AMMECR1: variants seen among roughly 807,000 people sequenced by gnomAD.
AMMECR1 encodes nuclear protein AMMECR1.
A neutral mutation model predicts 22.5 loss-of-function variants in AMMECR1; 3 were observed. The ratio of observed to expected loss-of-function variants is 0.13; its 90% CI spans 0.06 to 0.35. The LOEUF (loss-of-function observed/expected upper bound fraction) is 0.35. Ranked by LOEUF, AMMECR1 falls within the 10% of genes least tolerant of loss-of-function variation. The pLI, the probability that AMMECR1 is intolerant of heterozygous loss-of-function variation, is 1.00. For synonymous variants in AMMECR1, 130 were observed against 116.7 expected (o/e 1.11, Z -0.74); for missense variants, 235 against 278.7 (o/e 0.84, Z 1.12).
intron 2 of AMMECR1, among the ~76,000 whole-genome samples, chrX:110,344,390 C>G (rs1359767609): frequency 8.9e-6 from 1 of 111,835 alleles, no homozygotes; most frequent in Non-Finnish European, 1.9e-5. Context: ...CCATAAAAAC[C>G]CTAGAAGAAA....
chrX:110,393,316 CT>C (rs1389687287), intron 2 of AMMECR1, among the ~76,000 whole-genome samples: 17 of 112,090 alleles, frequency 1.5e-4, no homozygotes, highest in African/African-American at 5.5e-4. Context: ...ATCCCAGAGC[CT>C]GGCAGAGAGC....
At chrX:110,359,642 C>T (rs1472502608) in intron 2 of AMMECR1, among the ~76,000 whole-genome samples, 1 of 111,584 alleles carries the variant, frequency 9.0e-6, no homozygotes, top group Non-Finnish European at 1.9e-5. Flanking sequence ...TTAATTTATT[C>T]ATTAATATTG....
chrX:110,206,654 G>T (rs1249834187), intron 3 of AMMECR1, among the ~76,000 whole-genome samples: 3 of 111,876 alleles, frequency 2.7e-5, no homozygotes, highest in African/African-American at 9.8e-5. Flanking sequence ...GTAAACTTCT[G>T]ACAGTTTGGG....
intron 2 of AMMECR1, chrX:110,225,032 G>C (rs777091966): frequency 5.9e-5 from 22 of 371,211 alleles, no homozygotes; most frequent in Admixed American, 1.8e-4. Flanking sequence ...CATGGGGATT[G>C]GCTGACAATG....
chrX:110,423,148 C>T (rs1374420895), intron 2 of AMMECR1, among the ~76,000 whole-genome samples: 2 of 110,755 alleles, frequency 1.8e-5, no homozygotes, highest in Non-Finnish European at 3.8e-5. Flanking sequence ...GCCAACATGG[C>T]GAAACCCTGT....
intron 2 of AMMECR1, among the ~76,000 whole-genome samples, chrX:110,230,679 C>G (rs1398583275): frequency 2.7e-5 from 3 of 112,203 alleles, no homozygotes; most frequent in Middle Eastern, 4.6e-3. Context: ...CGGAGAATGA[C>G]TTTGACGAGT....
At chrX:110,292,520 T>C (rs2067914145) in intron 1 of AMMECR1, among the ~76,000 whole-genome samples, 1 of 112,119 alleles carries the variant, frequency 8.9e-6, no homozygotes, top group Non-Finnish European at 1.9e-5. Flanking sequence ...CAATGGAATA[T>C]TACTCAGCAC....
chrX:110,370,663 G>A (rs2068332098), intron 2 of AMMECR1, among the ~76,000 whole-genome samples: 2 of 112,273 alleles, frequency 1.8e-5, no homozygotes, highest in South Asian at 7.4e-4. Context: ...GCTGTAATGT[G>A]GGTTTCTTCC....
upstream of AMMECR1, among the ~76,000 whole-genome samples, chrX:110,318,490 G>A (rs889370914): frequency 5.4e-5 from 6 of 110,777 alleles, no homozygotes; most frequent in African/African-American, 9.9e-5. Context: ...GGAAACTAGT[G>A]GGGGTAGGGG....
upstream of AMMECR1, among the ~76,000 whole-genome samples, chrX:110,320,538 G>A (rs1440673841): frequency 1.8e-5 from 2 of 111,845 alleles, no homozygotes; most frequent in African/African-American, 3.3e-5. Flanking sequence ...TTAGAATTTG[G>A]CCAGTAGACA....
At chrX:110,392,923 A>G (rs767101680) in intron 2 of AMMECR1, among the ~76,000 whole-genome samples, 1 of 112,153 alleles carries the variant, frequency 8.9e-6, no homozygotes, top group African/African-American at 3.2e-5. Context: ...TGGCGTTGTG[A>G]GTTTGTGGGT....
At chrX:110,210,426 A>G (rs776163041) in intron 3 of AMMECR1, among the ~76,000 whole-genome samples, 2 of 111,610 alleles carry the variant, frequency 1.8e-5, no homozygotes, top group Admixed American at 9.6e-5. Flanking sequence ...CATGATGTAT[A>G]TCATAGTTGG....
chrX:110,196,108 T>C lies in AMMECR1; in HGVS notation c.*2412A>G, dbSNP rs1569369599. 1 of 111,979 alleles carries C rather than the reference T, an allele frequency of 8.9e-6. No individual in the cohort carries two copies. Among genetic ancestry groups the C allele is most frequent in the Non-Finnish European group, 1.9e-5 (1 of 53,159 alleles). The allele number at this position is 111,979 out of a possible 1,213,427, so 9.2% of individuals were successfully genotyped here. A position where few individuals can be genotyped will look rare whatever the true frequency, so the allele number is the denominator to read the frequency against. Reference sequence around the variant, plus strand: ...GGATTTTAAAAAATCTGATATGATTTTAGAGTCCGCATGACCAGTCACGTG... The same window carrying C: ...GGATTTTAAAAAATCTGATATGATTCTAGAGTCCGCATGACCAGTCACGTG... On this transcript the variant is annotated 3_prime_UTR_variant, in exon 6 of 6. Transcript: ENST00000262844.
At chrX:110,263,443 T>C (rs2067752259) in intron 2 of AMMECR1, among the ~76,000 whole-genome samples, 2 of 111,797 alleles carry the variant, frequency 1.8e-5, no homozygotes, top group African/African-American at 6.5e-5. Flanking sequence ...TGTGAGCTAC[T>C]GCATACCTTC....
chrX:110,271,675 G>GA (rs1447091821), intron 1 of AMMECR1, among the ~76,000 whole-genome samples: 3 of 111,394 alleles, frequency 2.7e-5, no homozygotes, highest in Admixed American at 9.5e-5. Context: ...ACCTTAATTG[G>GA]AAAAAAATAG....
chrX:110,316,404 G>A (rs1173217775), intron 1 of AMMECR1, among the ~76,000 whole-genome samples: 1 of 111,027 alleles, frequency 9.0e-6, no homozygotes, highest in Non-Finnish European at 1.9e-5. Flanking sequence ...GCTGGAAAAG[G>A]GGCTGATGCC....
At chrX:110,241,969 G>C (rs2067635554) in intron 2 of AMMECR1, among the ~76,000 whole-genome samples, 1 of 111,348 alleles carries the variant, frequency 9.0e-6, no homozygotes, top group African/African-American at 3.3e-5. Flanking sequence ...ATCTATACTG[G>C]CTCTCACTTC....
At chrX:110,242,100 G>A (rs1335306504) in intron 2 of AMMECR1, among the ~76,000 whole-genome samples, 1 of 111,427 alleles carries the variant, frequency 9.0e-6, no homozygotes, top group Admixed American at 9.6e-5. Flanking sequence ...TATATTGTAA[G>A]CTCCTGGATT....
At chrX:110,285,458 A>G (rs1367301686) in intron 1 of AMMECR1, among the ~76,000 whole-genome samples, 1 of 111,912 alleles carries the variant, frequency 8.9e-6, no homozygotes, top group Admixed American at 9.5e-5. Context: ...TCCTGGTGGT[A>G]CCAAGTAAAA....
Sources: allele counts gnomAD v4.1 joint callset (sites outside exome capture counted in the v4.1 genomes callset), GRCh38; gene constraint gnomAD v4.1.1; transcripts MANE v1.5; gene names NCBI Gene and HGNC (gene_info 2026-07-23, HGNC 2026-07-21).